The following GRAMD4 variants were observed in gnomAD, a reference collection of about 807,000 sequenced individuals.
GRAMD4 encodes GRAM domain containing 4.
Under a neutral mutation model 83.9 loss-of-function variants are expected in GRAMD4, and 25 were observed. That is an observed-to-expected ratio of 0.30 (90% CI 0.22 to 0.42). The LOEUF (loss-of-function observed/expected upper bound fraction) is 0.42. Ranked by LOEUF, GRAMD4 falls within the 10% of genes least tolerant of loss-of-function variation. The pLI is 1.00. For synonymous variants in GRAMD4, 336 were observed against 320.9 expected, an observed-to-expected ratio of 1.05 and a Z score of -0.50; for missense variants, 593 against 788.7, an observed-to-expected ratio of 0.75 and a Z score of 2.97.
At chr22:46,658,805 C>T (rs2082284201) in intron 4 of GRAMD4, among the ~76,000 whole-genome samples, 1 of 150,576 alleles carries the variant, frequency 6.6e-6, no homozygotes, top group Non-Finnish European at 1.5e-5. Flanking sequence ...CTGTGGCCCC[C>T]GCCCCCCTGC....
intron 3 of GRAMD4, among the ~76,000 whole-genome samples, chr22:46,639,793 A>C (rs1212767707): frequency 6.6e-6 from 1 of 152,062 alleles, no homozygotes. Context: ...CGTTCTGAGG[A>C]CAGCTCTGGT....
chr22:46,643,143 C>CCATG (rs2082006003), intron 3 of GRAMD4, among the ~76,000 whole-genome samples: 1 of 43,688 alleles, frequency 2.3e-5, no homozygotes, highest in Non-Finnish European at 4.8e-5. Flanking sequence ...ATGCATCCTT[C>CCATG]CATCCATCCA....
intron 1 of GRAMD4, chr22:46,577,326 C>T (rs2081051459): frequency 5.1e-6 from 5 of 979,928 alleles, no homozygotes; most frequent in South Asian, 4.5e-5. Flanking sequence ...CTACCCCGAC[C>T]TGGTTGCCCC....
intron 1 of GRAMD4, among the ~76,000 whole-genome samples, chr22:46,583,104 A>T (rs1428320407): frequency 6.6e-6 from 1 of 152,154 alleles, no homozygotes; most frequent in African/African-American, 2.4e-5. Flanking sequence ...TTGTATTTTT[A>T]GTAGAGATGG....
intron 3 of GRAMD4, among the ~76,000 whole-genome samples, chr22:46,650,021 T>C (rs1316045076): frequency 6.6e-6 from 1 of 151,646 alleles, no homozygotes; most frequent in Non-Finnish European, 1.5e-5. Flanking sequence ...CAGGTGAGAG[T>C]CCGGGGGAGG....
intron 17 of GRAMD4, 33 bp downstream of exon 17, chr22:46,675,585 G>C: frequency 7.3e-7 from 1 of 1,375,272 alleles, no homozygotes; most frequent in Non-Finnish European, 1.0e-6. Flanking sequence ...ACTAACCCCC[G>C]TGTTTTCTTC....
At chr22:46,637,454 C>T (rs763833626) in intron 2 of GRAMD4, among the ~76,000 whole-genome samples, 4 of 152,110 alleles carry the variant, frequency 2.6e-5, no homozygotes, top group Non-Finnish European at 5.9e-5. Context: ...AGGGTTTCAC[C>T]GTGGTCTCGA....
intron 3 of GRAMD4, among the ~76,000 whole-genome samples, chr22:46,652,321 A>G (rs1372756591): frequency 6.6e-6 from 1 of 152,190 alleles, no homozygotes; most frequent in East Asian, 1.9e-4. Context: ...CAAGGAGCAC[A>G]GGAGCCTCAG....
At chr22:46,662,091 C>T (rs919396505) in intron 5 of GRAMD4, among the ~76,000 whole-genome samples, 1 of 152,246 alleles carries the variant, frequency 6.6e-6, no homozygotes, top group Non-Finnish European at 1.5e-5. Flanking sequence ...GGAACACAGC[C>T]GGGCCGGTTC....
chr22:46,664,930 T>A (rs1326356455), intron 8 of GRAMD4, among the ~76,000 whole-genome samples: 1 of 152,180 alleles, frequency 6.6e-6, no homozygotes, highest in African/African-American at 2.4e-5. Flanking sequence ...CTGCGGGCAC[T>A]TACCACTCAC....
intron 1 of GRAMD4, among the ~76,000 whole-genome samples, chr22:46,600,357 G>C (rs5767288): frequency 3.3e-5 from 5 of 152,022 alleles, no homozygotes; most frequent in Non-Finnish European, 7.4e-5. Context: ...AGGGGCCTGC[G>C]GTATGGAGCT....
intron 1 of GRAMD4, among the ~76,000 whole-genome samples, chr22:46,601,579 C>T (rs1419636626): frequency 6.6e-6 from 1 of 151,952 alleles, no homozygotes; most frequent in Non-Finnish European, 1.5e-5. Flanking sequence ...GGGGGATTAC[C>T]TGAGGTCAGG....
At position 46,592,896 on chromosome 22, in the gene GRAMD4, A is replaced by G. The variant is rs57261371; in HGVS notation, c.-50+15606A>G. On this transcript the variant is annotated intron_variant, in intron 1 of 1. Coordinates refer to the GRAMD4 transcript ENST00000431155. ...AAGAGCCTATATGACCTATTTATGA[A>G]GTATTCCAGAATCACTTACATGAAT... 9.9e-3 allele frequency among the ~76,000 whole-genome samples: 1,508 copies of G among 152,314 alleles called. 25 individuals are homozygous for G. The highest frequency in any genetic ancestry group is 0.034 in the African/African-American group (1,412 of 41,556).
intron 11 of GRAMD4, 137 bp from the exon 12 acceptor site, chr22:46,668,552 C>A: frequency 2.4e-6 from 2 of 835,192 alleles, no homozygotes; most frequent in South Asian, 2.7e-5. Context: ...CCTTCCCCGG[C>A]CTAGGAGCAG....
intron 1 of GRAMD4, among the ~76,000 whole-genome samples, chr22:46,584,174 C>T (rs1450667777): frequency 6.6e-6 from 1 of 152,098 alleles, no homozygotes; most frequent in African/African-American, 2.4e-5. Context: ...GCTCCAGGCT[C>T]AGCTTGTCCA....
intron 1 of GRAMD4, among the ~76,000 whole-genome samples, chr22:46,610,159 ACCCTT>A (rs1212550278): frequency 6.6e-6 from 1 of 151,728 alleles, no homozygotes; most frequent in Non-Finnish European, 1.5e-5. Flanking sequence ...CTTATTCCTC[ACCCTT>A]CCCTTAAGAG....
chr22:46,681,090 A>C (rs967064495), downstream of GRAMD4, among the ~76,000 whole-genome samples: 1 of 151,802 alleles, frequency 6.6e-6, no homozygotes. Flanking sequence ...GTCCTCTGCA[A>C]CAGGTCCTCC....
intron 1 of GRAMD4, among the ~76,000 whole-genome samples, chr22:46,608,679 C>A (rs2081388529): frequency 6.6e-6 from 1 of 152,018 alleles, no homozygotes; most frequent in Non-Finnish European, 1.5e-5. Context: ...AATTCCGTAT[C>A]AAAATGTGTG....
intron 1 of GRAMD4, among the ~76,000 whole-genome samples, chr22:46,597,591 A>G (rs558671341): frequency 7.9e-4 from 119 of 151,210 alleles, no homozygotes; most frequent in South Asian, 3.4e-3. Flanking sequence ...CTGGGTTCAC[A>G]CCATTCTCCC....
Sources: gnomAD v4.1 joint callset for allele counts (sites outside exome capture counted in the v4.1 genomes callset) on GRCh38, gnomAD v4.1.1 for gene constraint, MANE v1.5 for transcripts, NCBI Gene and HGNC (gene_info 2026-07-23, HGNC 2026-07-21) for gene names.